Variants in PCCB observed in about 807,000 individuals in gnomAD.
PCCB encodes the protein propionyl-CoA carboxylase subunit beta.
A neutral mutation model predicts 60.7 loss-of-function variants in PCCB; 43 were observed. That is an observed-to-expected ratio of 0.71 (90% CI 0.55 to 0.91). The LOEUF is 0.91. Ranked by LOEUF, PCCB falls within the 40% of genes least tolerant of loss-of-function variation. The pLI is 0.00. For missense variants in PCCB, 766 were observed against 702.8 expected, an observed-to-expected ratio of 1.09 and a Z score of -1.02; for synonymous variants, 276 against 255.9, an observed-to-expected ratio of 1.08 and a Z score of -0.75.
At chr3:136,281,925 T>G (rs1031681411) in intron 5 of PCCB, among the ~76,000 whole-genome samples, 2 of 152,166 alleles carry the variant, frequency 1.3e-5, no homozygotes, top group African/African-American at 4.8e-5. Context: ...TCCTTAAATG[T>G]CTGTCTCCCA....
rs138162007 is a variant in PCCB at position 136,328,781 on chromosome 3, A to G, written c.1422A>G (p.Lys474=). ...GAKGAVEIIF[K]GHENVEAAQA... ...AGGGCGCTGTGGAGATCATCTTCAA[A>G]GGGCATGAGAATGTGGAAGCTGCTC... Residue 474 remains lysine, a synonymous_variant, in exon 14 of 15, where the codon AAA becomes AAG. Coordinates refer to ENST00000251654, the MANE Select transcript of PCCB (RefSeq NM_000532.5). 4.3e-6 allele frequency: 7 copies of G among 1,613,970 alleles called. No homozygotes were observed. In the African/African-American group the frequency reaches 8.0e-5, roughly 18 times the overall value.
intron 1 of PCCB, among the ~76,000 whole-genome samples, chr3:136,253,091 T>G (rs1012688603): frequency 3.6e-4 from 51 of 140,106 alleles, no homozygotes; most frequent in African/African-American, 1.2e-3. Context: ...GGTTTTTTTT[T>G]TTTTTTTTTT....
At chr3:136,304,668 A>G (rs1355559656) in intron 9 of PCCB, among the ~76,000 whole-genome samples, 1 of 114,660 alleles carries the variant, frequency 8.7e-6, no homozygotes, top group Non-Finnish European at 1.9e-5. Context: ...TACAGATGTG[A>G]GCCACTGTGC....
chr3:136,304,394 T>A (rs1207482747), intron 9 of PCCB, among the ~76,000 whole-genome samples: 2 of 117,900 alleles, frequency 1.7e-5, no homozygotes, highest in South Asian at 3.5e-4. Context: ...TTATTTATTT[T>A]TTTTTGAGTT....
At chr3:136,301,293 A>G (rs565217976) in intron 9 of PCCB, among the ~76,000 whole-genome samples, 182 bp downstream of exon 9, 110 of 152,302 alleles carry the variant, frequency 7.2e-4, no homozygotes, top group Non-Finnish European at 8.5e-4. Context: ...CCTAGTGGCT[A>G]TAGATACCCT....
chr3:136,322,367 T>C (rs1935140491), intron 10 of PCCB, among the ~76,000 whole-genome samples: 1 of 152,198 alleles, frequency 6.6e-6, no homozygotes, highest in African/African-American at 2.4e-5. Flanking sequence ...TCTGCTAATA[T>C]TTTGTTGAGG....
At chr3:136,261,592 G>A (rs2108146039) in intron 4 of PCCB, among the ~76,000 whole-genome samples, 1 of 152,180 alleles carries the variant, frequency 6.6e-6, no homozygotes, top group East Asian at 1.9e-4. Context: ...GTACTACTTT[G>A]CCATTCTGTC....
At chr3:136,256,393 G>T in intron 2 of PCCB, 162 bp from the exon 3 acceptor site, 2 of 675,560 alleles carry the variant, frequency 3.0e-6, no homozygotes, top group South Asian at 1.7e-5. Context: ...GCTTGCTGTT[G>T]TAGAGCTGGG....
chr3:136,327,250 A>C lies in PCCB; in HGVS notation c.1294A>C (p.Arg432=). ...TGTACCCAAAGTCACAGTCATCACCAGGAAGGTGAGGACCTCATGTTGGAG... is the reference window on the plus strand; with the variant it reads ...TGTACCCAAAGTCACAGTCATCACCCGGAAGGTGAGGACCTCATGTTGGAG... ...ATVPKVTVIT[R]KAYGGAYDVM... is the part of the protein sequence containing the mutation. The change falls in exon 12 of 15, where the codon AGG becomes CGG. Residue 432 remains arginine, a synonymous_variant. Transcript: ENST00000251654. 1 of 1,610,330 alleles carries C rather than the reference A, an allele frequency of 6.2e-7. No individual in the cohort carries two copies. The highest frequency in any genetic ancestry group is 8.5e-7 in the Non-Finnish European group (1 of 1,176,468).
At chr3:136,278,302 C>T (rs548735946) in intron 5 of PCCB, among the ~76,000 whole-genome samples, 1 of 152,246 alleles carries the variant, frequency 6.6e-6, no homozygotes, top group Admixed American at 6.5e-5. Context: ...TACAGTTTTT[C>T]CCTTGTCTTA....
intron 9 of PCCB, among the ~76,000 whole-genome samples, chr3:136,302,324 A>G (rs932720798): frequency 8.2e-6 from 1 of 121,798 alleles, no homozygotes; most frequent in Non-Finnish European, 1.8e-5. Flanking sequence ...CAGTCTTTCA[A>G]CAGACGCCAG....
At chr3:136,297,546 C>T (rs947853232) in intron 7 of PCCB, among the ~76,000 whole-genome samples, 6 of 152,134 alleles carry the variant, frequency 3.9e-5, no homozygotes, top group Admixed American at 6.5e-5. Context: ...CCTGATCTTA[C>T]CCTGTTGGAG....
chr3:136,263,141 G>C (rs973735068), intron 5 of PCCB, among the ~76,000 whole-genome samples: 10 of 151,510 alleles, frequency 6.6e-5, no homozygotes, highest in African/African-American at 2.4e-4. Context: ...TTTTAGTAGA[G>C]ACGGGGTTTC....
intron 5 of PCCB, among the ~76,000 whole-genome samples, chr3:136,281,844 C>T (rs1942483972): frequency 6.6e-6 from 1 of 152,122 alleles, no homozygotes; most frequent in Admixed American, 6.6e-5. Context: ...AGAGTATGTT[C>T]CTTTTTTAAT....
chr3:136,278,660 G>A (rs1371615571), intron 5 of PCCB, among the ~76,000 whole-genome samples: 6 of 152,160 alleles, frequency 3.9e-5, no homozygotes, highest in African/African-American at 1.4e-4. Flanking sequence ...CAGAAAAGAT[G>A]TTTTTTATGA....
intron 9 of PCCB, among the ~76,000 whole-genome samples, chr3:136,312,886 CTT>C (rs1934723797): frequency 6.6e-6 from 1 of 152,096 alleles, no homozygotes; most frequent in Admixed American, 6.5e-5. Context: ...ATAAAGAGCT[CTT>C]ATGCTGAGGG....
chr3:136,284,757 T>G (rs903817358), intron 6 of PCCB, among the ~76,000 whole-genome samples: 1 of 152,132 alleles, frequency 6.6e-6, no homozygotes, highest in African/African-American at 2.4e-5. Context: ...CCGAAAGTAG[T>G]GTAAGTGTTC....
chr3:136,284,614 C>T (rs578227760), intron 6 of PCCB, among the ~76,000 whole-genome samples: 2 of 152,016 alleles, frequency 1.3e-5, no homozygotes, highest in African/African-American at 4.8e-5. Flanking sequence ...AGCCATCCAA[C>T]TTGAGGAGAG....
At position 136,311,151 on chromosome 3, in the gene PCCB, T is replaced by G. The variant is rs906430957; in HGVS notation, c.967-5790T>G. On this transcript the variant is annotated intron_variant, in intron 9 of 14. Transcript: ENST00000251654. ...AAGCTGTAACGTAGGTGATATAGTA[T>G]TGTAGTATTCAAGAAAACTCTAGAG... 3.9e-5 allele frequency among the ~76,000 whole-genome samples: 6 copies of G among 152,146 alleles called. No individual in the cohort carries two copies. In the South Asian group the frequency reaches 1.2e-3, roughly 31 times the overall value.
Sources: allele counts gnomAD v4.1 joint callset (sites outside exome capture counted in the v4.1 genomes callset), GRCh38; gene constraint gnomAD v4.1.1; transcripts MANE v1.5; gene names NCBI Gene and HGNC (gene_info 2026-07-23, HGNC 2026-07-21).